The following CACNG4 variants were observed in gnomAD, a reference collection of about 807,000 sequenced individuals.
CACNG4 encodes calcium voltage-gated channel auxiliary subunit gamma 4.
In CACNG4, 8 loss-of-function variants were observed where a neutral mutation model predicts 22.9. The ratio of observed to expected loss-of-function variants is 0.35; its 90% CI spans 0.21 to 0.63. The LOEUF is 0.63. CACNG4 is among the 30% of genes least tolerant of loss of function. The probability of loss-of-function intolerance (pLI) is 0.72; values close to 1 mark genes in which losing one functional copy is unlikely to be tolerated. For synonymous variants in CACNG4, 188 were observed against 191.9 expected (o/e 0.98, Z 0.17); for missense variants, 357 against 455.4 (o/e 0.78, Z 1.97).
chr17:67,022,735 C>T (rs928888629), intron 2 of CACNG4, among the ~76,000 whole-genome samples: 6 of 152,222 alleles, frequency 3.9e-5, no homozygotes, highest in African/African-American at 1.4e-4. Context: ...GTCCATGCAG[C>T]CGAGATTTCT....
intron 1 of CACNG4, among the ~76,000 whole-genome samples, chr17:66,966,905 G>A (rs117177237): frequency 2.4e-3 from 369 of 152,280 alleles, no homozygotes; most frequent in Non-Finnish European, 3.0e-3. Flanking sequence ...ATGTACCCAC[G>A]TCACTACCTG....
At chr17:67,021,442 T>A (rs2143361934) in intron 2 of CACNG4, among the ~76,000 whole-genome samples, 1 of 152,336 alleles carries the variant, frequency 6.6e-6, no homozygotes, top group Non-Finnish European at 1.5e-5. Flanking sequence ...CACCCAGTCT[T>A]TGACAATTCA....
intron 1 of CACNG4, among the ~76,000 whole-genome samples, chr17:66,986,683 CAG>C (rs2035307294): frequency 6.6e-6 from 1 of 152,232 alleles, no homozygotes; most frequent in African/African-American, 2.4e-5. Context: ...CTCCAATTTA[CAG>C]AGAGAATTTA....
chr17:66,989,957 G>A (rs2035328982), intron 1 of CACNG4, among the ~76,000 whole-genome samples: 1 of 152,222 alleles, frequency 6.6e-6, no homozygotes, highest in Non-Finnish European at 1.5e-5. Flanking sequence ...GGCAAAATGA[G>A]CGACTTTGGG....
At chr17:66,973,474 A>G (rs569173716) in intron 1 of CACNG4, among the ~76,000 whole-genome samples, 3 of 152,222 alleles carry the variant, frequency 2.0e-5, no homozygotes, top group Non-Finnish European at 2.9e-5. Context: ...TGACTTACGC[A>G]AGGTGGCATG....
intron 1 of CACNG4, among the ~76,000 whole-genome samples, chr17:66,977,950 C>T (rs79046570): frequency 0.017 from 2,540 of 152,206 alleles, 36 homozygotes; most frequent in Middle Eastern, 0.058. Flanking sequence ...ACGTCCTAGA[C>T]GTTAGGGGCT....
At chr17:66,971,575 G>GGTGAAAACAGAGCAGGGGGC (rs2035205126) in intron 1 of CACNG4, among the ~76,000 whole-genome samples, 1 of 152,138 alleles carries the variant, frequency 6.6e-6, no homozygotes, top group Non-Finnish European at 1.5e-5. Flanking sequence ...TTTATGTTAC[G>GGTGAAAACAGAGCAGGGGGC]GTGAAAACAG....
At chr17:67,001,593 A>G (rs1227948681) in intron 1 of CACNG4, among the ~76,000 whole-genome samples, 1 of 152,182 alleles carries the variant, frequency 6.6e-6, no homozygotes, top group East Asian at 1.9e-4. Context: ...AAAGGCATGG[A>G]CGGGATGACT....
chr17:66,990,463 C>T (rs1011301356), intron 1 of CACNG4, among the ~76,000 whole-genome samples: 2 of 152,130 alleles, frequency 1.3e-5, no homozygotes, highest in African/African-American at 4.8e-5. Context: ...CAGGGGCACA[C>T]AGCAGCGGGT....
intron 1 of CACNG4, among the ~76,000 whole-genome samples, chr17:66,994,630 A>G (rs1006792937): frequency 1.3e-5 from 2 of 152,178 alleles, no homozygotes; most frequent in African/African-American, 4.8e-5. Context: ...ACCAGATACA[A>G]TGATGTTCAG....
chr17:67,025,951 T>C (rs552258839), intron 3 of CACNG4, among the ~76,000 whole-genome samples: 7 of 152,218 alleles, frequency 4.6e-5, no homozygotes, highest in African/African-American at 1.2e-4. Context: ...GCGCAATAAA[T>C]AGACGTGTGT....
chr17:66,967,939 G>T (rs1301793771), intron 1 of CACNG4, among the ~76,000 whole-genome samples: 1 of 152,222 alleles, frequency 6.6e-6, no homozygotes, highest in Non-Finnish European at 1.5e-5. Context: ...GGCTGACCTT[G>T]TCTTAGCCTC....
At chr17:66,987,528 G>A (rs567386411) in intron 1 of CACNG4, among the ~76,000 whole-genome samples, 49 of 152,320 alleles carry the variant, frequency 3.2e-4, no homozygotes, top group African/African-American at 1.1e-3. Context: ...TCACTCGGGT[G>A]ATGGAAGAGC....
chr17:67,026,195 G>GTGTA (rs1054046038), intron 3 of CACNG4, among the ~76,000 whole-genome samples: 4 of 150,638 alleles, frequency 2.7e-5, no homozygotes, highest in African/African-American at 7.3e-5. Context: ...TGGTGTGTGT[G>GTGTA]TTTGAGGACT....
intron 1 of CACNG4, among the ~76,000 whole-genome samples, chr17:67,003,360 G>C (rs1024378053): frequency 2.0e-5 from 3 of 151,726 alleles, no homozygotes; most frequent in Non-Finnish European, 4.4e-5. Context: ...AGAACGTACT[G>C]TCTCTATGCT....
At chr17:67,010,601 C>G (rs976497244) in intron 1 of CACNG4, among the ~76,000 whole-genome samples, 4 of 152,208 alleles carry the variant, frequency 2.6e-5, no homozygotes, top group Non-Finnish European at 4.4e-5. Context: ...TTTGCTGTCA[C>G]TCTTATCATG....
At chr17:66,980,714 G>A (rs1417766056) in intron 1 of CACNG4, among the ~76,000 whole-genome samples, 1 of 144,038 alleles carries the variant, frequency 6.9e-6, no homozygotes, top group Non-Finnish European at 1.5e-5. Flanking sequence ...CCTTCACTGG[G>A]TTCAAGCAAT....
intron 1 of CACNG4, among the ~76,000 whole-genome samples, chr17:67,007,092 T>C (rs2035442328): frequency 6.6e-6 from 1 of 152,142 alleles, no homozygotes; most frequent in African/African-American, 2.4e-5. Context: ...TGAGAATCGC[T>C]TGAACCCAGG....
intron 1 of CACNG4, among the ~76,000 whole-genome samples, chr17:67,015,491 A>ACCC (rs1332483730): frequency 1.3e-5 from 2 of 152,156 alleles, no homozygotes; most frequent in African/African-American, 4.8e-5. Context: ...ATATTGCACT[A>ACCC]CAGTTTTGCA....
Sources: gnomAD v4.1 joint callset for allele counts (sites outside exome capture counted in the v4.1 genomes callset) on GRCh38, gnomAD v4.1.1 for gene constraint, MANE v1.5 for transcripts, NCBI Gene and HGNC (gene_info 2026-07-23, HGNC 2026-07-21) for gene names.